ASIC2: variants seen among roughly 807,000 people sequenced by gnomAD.
ASIC2 encodes the protein acid sensing ion channel subunit 2, also known as acid-sensing ion channel 2.
A neutral mutation model predicts 57.3 loss-of-function variants in ASIC2; 25 were observed. The observed-to-expected ratio is 0.44, with a 90% CI of 0.32 to 0.61. ASIC2 has a LOEUF of 0.61. Among genes scored for constraint, ASIC2 ranks in the 20% least tolerant of loss-of-function variants. The pLI, the probability that ASIC2 is intolerant of heterozygous loss-of-function variation, is 0.06. For synonymous variants in ASIC2, 319 were observed against 307.5 expected, an observed-to-expected ratio of 1.04 and a Z score of -0.39; for missense variants, 641 against 738.1, an observed-to-expected ratio of 0.87 and a Z score of 1.52.
At chr17:33,569,004 T>C (rs1313897836) in intron 1 of ASIC2, among the ~76,000 whole-genome samples, 3 of 152,224 alleles carry the variant, frequency 2.0e-5, no homozygotes, top group Non-Finnish European at 2.9e-5. Context: ...ATTTATGTCT[T>C]CCCTTGAAGG....
At chr17:33,828,648 T>C (rs1290590762) in intron 1 of ASIC2, among the ~76,000 whole-genome samples, 2 of 152,188 alleles carry the variant, frequency 1.3e-5, no homozygotes, top group African/African-American at 4.8e-5. Flanking sequence ...GAAGATGATG[T>C]GAGAGCACGT....
chr17:34,069,842 G>A (rs559770632), intron 1 of ASIC2: 2 of 152,266 alleles, frequency 1.3e-5, no homozygotes, highest in East Asian at 1.9e-4. Context: ...AGTAGAAAAA[G>A]CATGAACGTT....
At chr17:33,435,786 A>G (rs1401980473) in intron 1 of ASIC2, among the ~76,000 whole-genome samples, 1 of 152,254 alleles carries the variant, frequency 6.6e-6, no homozygotes, top group Non-Finnish European at 1.5e-5. Flanking sequence ...TGCTAACAGC[A>G]TGAAAGGAAA....
intron 1 of ASIC2, among the ~76,000 whole-genome samples, chr17:33,147,547 C>A (rs1384386245): frequency 6.7e-6 from 1 of 150,326 alleles, no homozygotes; most frequent in Non-Finnish European, 1.5e-5. Flanking sequence ...AATTCAGTAT[C>A]TTTTTTTTTT....
At chr17:33,525,812 T>C (rs1172858887) in intron 1 of ASIC2, among the ~76,000 whole-genome samples, 2 of 152,190 alleles carry the variant, frequency 1.3e-5, no homozygotes, top group South Asian at 2.1e-4. Flanking sequence ...CTCCTATCCA[T>C]CCTTTGGAGC....
At chr17:33,373,689 C>G (rs1346695977) in intron 1 of ASIC2, among the ~76,000 whole-genome samples, 4 of 150,082 alleles carry the variant, frequency 2.7e-5, no homozygotes, top group Non-Finnish European at 5.9e-5. Context: ...TTTTTTTTCT[C>G]TTTTCTCAGA....
chr17:34,099,520 AAAAGAAAG>A (rs147070505), intron 1 of ASIC2, among the ~76,000 whole-genome samples: 1 of 147,802 alleles, frequency 6.8e-6, no homozygotes, highest in African/African-American at 2.6e-5. Flanking sequence ...AAGAGAAAGA[AAAAGAAAG>A]AAAGAAAGGA....
intron 1 of ASIC2, among the ~76,000 whole-genome samples, chr17:33,995,901 T>C (rs1026246820): frequency 6.6e-6 from 1 of 152,156 alleles, no homozygotes; most frequent in African/African-American, 2.4e-5. Flanking sequence ...ATCAAAAGAG[T>C]TAATCTTTTA....
At chr17:33,402,532 G>A (rs1910320880) in intron 1 of ASIC2, among the ~76,000 whole-genome samples, 2 of 152,138 alleles carry the variant, frequency 1.3e-5, no homozygotes, top group African/African-American at 4.8e-5. Flanking sequence ...GTGAGAATAT[G>A]TGGTGTTTTG....
intron 5 of ASIC2, 108 bp from the exon 6 acceptor site, chr17:33,024,122 T>G: frequency 6.9e-7 from 1 of 1,439,034 alleles, no homozygotes; most frequent in South Asian, 1.3e-5. Flanking sequence ...GAAGGGGCAC[T>G]GGTCTGGGGA....
intron 1 of ASIC2, among the ~76,000 whole-genome samples, chr17:33,547,268 C>T (rs1915608907): frequency 2.0e-5 from 3 of 151,900 alleles, no homozygotes; most frequent in Non-Finnish European, 2.9e-5. Context: ...GGGGGTGGGT[C>T]GGTCAATTGG....
intron 3 of ASIC2, among the ~76,000 whole-genome samples, chr17:33,084,243 C>A (rs920120876): frequency 3.9e-5 from 6 of 152,124 alleles, no homozygotes; most frequent in Non-Finnish European, 8.8e-5. Context: ...AAACTGAGGC[C>A]CAGAGAGGGC....
At chr17:33,767,005 G>T (rs560071489) in intron 1 of ASIC2, among the ~76,000 whole-genome samples, 2 of 152,202 alleles carry the variant, frequency 1.3e-5, no homozygotes. Context: ...TTAAATAAAA[G>T]AAACCACACT....
chr17:33,404,281 T>A (rs56037006), intron 1 of ASIC2, among the ~76,000 whole-genome samples: 3,037 of 152,290 alleles, frequency 0.02, 107 homozygotes, highest in African/African-American at 0.068. Context: ...CTCTGTAAGT[T>A]TACTAAAAAT....
intron 1 of ASIC2, among the ~76,000 whole-genome samples, chr17:33,766,099 G>A (rs944915375): frequency 2.0e-5 from 3 of 152,082 alleles, no homozygotes; most frequent in African/African-American, 4.8e-5. Flanking sequence ...GGTTACCCAC[G>A]GTCAACCACA....
rs35139984 is a variant in ASIC2, at chr17:33,521,336, C to T, written c.556-409269G>A. ...AGGGGGAGGTGGGAGGTAAAGAGGG[C>T]CCCTGGATAATGCGCCTGCCACTCG... On this transcript the variant is annotated intron_variant, in intron 1 of 9. Transcript: ENST00000359872. Among the ~76,000 whole-genome samples, 910 of 152,252 alleles carry T rather than the reference C, an allele frequency of 6.0e-3. 9 individuals are homozygous for T. Among genetic ancestry groups the T allele is most frequent in the Non-Finnish European group, 6.8e-3 (463 of 68,004 alleles).
At chr17:33,660,791 G>A (rs1186156105) in intron 1 of ASIC2, among the ~76,000 whole-genome samples, 2 of 152,130 alleles carry the variant, frequency 1.3e-5, no homozygotes, top group Admixed American at 1.3e-4. Flanking sequence ...TCGTTAATGC[G>A]GTCCATCATG....
chr17:33,826,783 C>A (rs754513236), intron 1 of ASIC2, among the ~76,000 whole-genome samples: 1 of 152,036 alleles, frequency 6.6e-6, no homozygotes, highest in African/African-American at 2.4e-5. Context: ...GGAGGGAAGT[C>A]GTTAAAAGGA....
intron 1 of ASIC2, among the ~76,000 whole-genome samples, chr17:33,899,113 G>A (rs1465136435): frequency 6.9e-6 from 1 of 145,514 alleles, no homozygotes; most frequent in African/African-American, 2.6e-5. Context: ...GGGCGACAGA[G>A]CGAGACTCCA....
Sources: allele counts gnomAD v4.1 joint callset (sites outside exome capture counted in the v4.1 genomes callset), GRCh38; gene constraint gnomAD v4.1.1; transcripts MANE v1.5; gene names NCBI Gene and HGNC (gene_info 2026-07-23, HGNC 2026-07-21).